ZNF831: variants seen among roughly 807,000 people sequenced by gnomAD.
ZNF831 encodes zinc finger protein 831, also known as chromosome 20 open reading frame 174.
Under a neutral mutation model 95.8 loss-of-function variants are expected in ZNF831, and 59 were observed. That is an observed-to-expected ratio of 0.62 (90% confidence interval 0.50 to 0.77). The LOEUF (loss-of-function observed/expected upper bound fraction) is 0.77, where lower values mean the gene tolerates loss of function less well. Among genes scored for constraint, ZNF831 ranks in the 30% least tolerant of loss-of-function variants. The probability of loss-of-function intolerance (pLI) is 0.00; values close to 1 mark genes in which losing one functional copy is unlikely to be tolerated. For missense variants in ZNF831, 2,205 were observed against 2,164.0 expected (o/e 1.02, Z -0.38); for synonymous variants, 961 against 925.5 (o/e 1.04, Z -0.70).
rs757394481 is a variant in ZNF831 at position 59,206,949 on chromosome 20, G to A, written c.3920G>A (p.Ser1307Asn). The change falls in exon 4 of 6, where the codon AGT becomes AAT. Residue 1307 changes from serine to asparagine, a missense_variant. Coordinates refer to ENST00000371030, the MANE Select transcript of ZNF831 (RefSeq NM_178457.3). Reference sequence around the variant, plus strand: ...CAGAGCTGTGTTCAGCTGAGAGCCAGTAGACTTCGCACACCAACCTGGGTG... The same window carrying A: ...CAGAGCTGTGTTCAGCTGAGAGCCAATAGACTTCGCACACCAACCTGGGTG... ...FLQSCVQLRASRLRTPTWVRR... is the reference protein window; with the variant it reads ...FLQSCVQLRANRLRTPTWVRR... 1 of 1,614,228 alleles carries A rather than the reference G, an allele frequency of 6.2e-7. No individual in the cohort carries two copies. The highest frequency in any genetic ancestry group is 1.7e-5 in the Admixed American group (1 of 60,026).
chr20:59,192,237 G>A lies in ZNF831; in HGVS notation c.1218G>A (p.Glu406=), dbSNP rs1407822808. ...AGCTGGAGAAGAAGCGGCTGGAGGA[G>A]CGCATCGCCCAGCTCATCTCCCACA... The part of the protein sequence containing the change: ...GLELEKKRLE[E]RIAQLISHNQ... Residue 406 remains glutamate, a synonymous_variant, in exon 2 of 6, where the codon GAG becomes GAA. Transcript: ENST00000371030. This position sits in a 1 kb window ranked among gnomAD's most constrained non-coding sequence, Gnocchi z 5.2. 1 of 1,594,382 alleles carries A rather than the reference G, an allele frequency of 6.3e-7. No individual in the cohort carries two copies. Among genetic ancestry groups the A allele is most frequent in the Non-Finnish European group, 8.5e-7 (1 of 1,171,432 alleles).
intron 1 of ZNF831, among the ~76,000 whole-genome samples, chr20:59,134,171 G>A (rs887269893): frequency 1.3e-5 from 2 of 152,218 alleles, no homozygotes; most frequent in African/African-American, 2.4e-5. Context: ...TGGACAGAAA[G>A]CAGTGGCTGT....
At chr20:59,203,813 A>T (rs946653722) in intron 3 of ZNF831, among the ~76,000 whole-genome samples, 2 of 152,226 alleles carry the variant, frequency 1.3e-5, no homozygotes, top group African/African-American at 4.8e-5. Flanking sequence ...TGCAGGATCC[A>T]CTTCCAGAGT....
intron 1 of ZNF831, among the ~76,000 whole-genome samples, chr20:59,130,958 C>G (rs1979334844): frequency 6.6e-6 from 1 of 152,144 alleles, no homozygotes; most frequent in African/African-American, 2.4e-5. Flanking sequence ...CTTATCACAG[C>G]TGGTTGTGAG....
At chr20:59,172,133 A>G (rs1981796987) in intron 1 of ZNF831, among the ~76,000 whole-genome samples, 1 of 152,192 alleles carries the variant, frequency 6.6e-6, no homozygotes, top group South Asian at 2.1e-4. Context: ...TGACTGAGTC[A>G]CGTTACTTGC....
intron 1 of ZNF831, among the ~76,000 whole-genome samples, chr20:59,172,897 G>A (rs1415884857): frequency 6.6e-6 from 1 of 152,190 alleles, no homozygotes; most frequent in African/African-American, 2.4e-5. Context: ...AGCTCTTCTG[G>A]TGTGTGAGCC....
intron 4 of ZNF831, among the ~76,000 whole-genome samples, chr20:59,238,346 G>A (rs563617656): frequency 1.8e-4 from 27 of 152,270 alleles, no homozygotes; most frequent in African/African-American, 6.5e-4. Flanking sequence ...TCCACCAAGT[G>A]TCCTGACCCC....
At position 59,193,275 on chromosome 20, in the gene ZNF831, T is replaced by A. The variant is rs752224395; in HGVS notation, c.2256T>A (p.Asn752Lys). The A allele has an allele frequency of 6.2e-7, 1 of 1,609,900 alleles. No homozygotes were observed. The highest frequency in any genetic ancestry group is 1.1e-5 in the South Asian group (1 of 90,248). ...SGSRSPLVSPNGRLELGWQMP... is the reference protein window; with the variant it reads ...SGSRSPLVSPKGRLELGWQMP... ...GTAGGAGCCCCCTGGTCTCTCCAAA[T>A]GGGAGGCTGGAACTGGGGTGGCAGA... Residue 752 changes from asparagine to lysine, a missense_variant, in exon 2 of 6, where the codon AAT (asparagine) becomes AAA (lysine). Asn to Lys is a moderately conservative substitution (Grantham distance 94, BLOSUM62 0). Coordinates refer to ENST00000371030, the MANE Select transcript of ZNF831 (RefSeq NM_178457.3).
chr20:59,225,094 T>C (rs564331545), intron 4 of ZNF831, among the ~76,000 whole-genome samples: 1 of 152,332 alleles, frequency 6.6e-6, no homozygotes, highest in East Asian at 1.9e-4. Flanking sequence ...TAATCTGGAT[T>C]CATTTAAGTA....
chr20:59,257,617 T>C lies in ZNF831; in HGVS notation c.*2874T>C, dbSNP rs1286421514. ...CTACCACAGTTTTATACTCTGCAAG[T>C]GTGTACTGCATGATGGTTAAGGAAA... On this transcript the variant is annotated 3_prime_UTR_variant, in exon 6 of 6. Transcript: ENST00000371030. The C allele has an allele frequency of 2.0e-5, 3 of 152,212 alleles. No homozygotes were observed. The highest frequency in any genetic ancestry group is 4.4e-5 in the Non-Finnish European group (3 of 68,030). 9.4% of individuals were successfully genotyped at this position (152,212 alleles called of 1,614,324 possible).
Position 59,191,520 on chromosome 20 carries a change from G to A in ZNF831, c.501G>A (p.Thr167=), listed in dbSNP as rs772129347. 1.6e-5 allele frequency: 26 copies of A among 1,613,042 alleles called. No homozygotes were observed. The highest frequency in any genetic ancestry group is 2.2e-5 in the Non-Finnish European group (26 of 1,180,024). The change falls in exon 2 of 6, where the codon ACG becomes ACA. Residue 167 remains threonine (T), a synonymous_variant. Coordinates refer to ENST00000371030, the MANE Select transcript of ZNF831 (RefSeq NM_178457.3). ...TAGAGAAGCACATCCGGTCCCACAC[G>A]GGTGAGAGGCCCTTCCCGTGTGCCA... ...SVLEKHIRSH[T]GERPFPCATC... is the part of the protein sequence containing the mutation.
chr20:59,206,459 C>T (rs1254438858), intron 3 of ZNF831, among the ~76,000 whole-genome samples: 1 of 152,210 alleles, frequency 6.6e-6, no homozygotes, highest in African/African-American at 2.4e-5. Flanking sequence ...ATTTAAGACT[C>T]AGTTTCTCAG....
intron 2 of ZNF831, among the ~76,000 whole-genome samples, chr20:59,195,355 G>A (rs1984008178): frequency 6.6e-6 from 1 of 152,222 alleles, no homozygotes; most frequent in Non-Finnish European, 1.5e-5. Flanking sequence ...GCTTAGTCCT[G>A]CTCTGGAGTG....
chr20:59,201,345 T>G (rs1984520203), intron 3 of ZNF831, among the ~76,000 whole-genome samples: 1 of 152,206 alleles, frequency 6.6e-6, no homozygotes, highest in Non-Finnish European at 1.5e-5. Flanking sequence ...CTTATTGAGT[T>G]TTGAGAATTT....
intron 4 of ZNF831, among the ~76,000 whole-genome samples, chr20:59,224,004 C>T (rs1032216174): frequency 5.9e-5 from 9 of 152,230 alleles, no homozygotes; most frequent in Non-Finnish European, 1.0e-4. Flanking sequence ...GAGCCAAACA[C>T]TGAAACCGGT....
intron 3 of ZNF831, among the ~76,000 whole-genome samples, chr20:59,205,882 T>C (rs1369505480): frequency 6.6e-6 from 1 of 152,224 alleles, no homozygotes; most frequent in Admixed American, 6.5e-5. Context: ...TGGTTGCACA[T>C]TCCTATTAGT....
chr20:59,215,133 C>G (rs904784344), intron 4 of ZNF831, among the ~76,000 whole-genome samples: 2 of 152,132 alleles, frequency 1.3e-5, no homozygotes, highest in Non-Finnish European at 2.9e-5. Flanking sequence ...TAAAACATTC[C>G]GTGGTATAAA....
chr20:59,230,926 A>G (rs1443687381), intron 4 of ZNF831, among the ~76,000 whole-genome samples: 4 of 152,210 alleles, frequency 2.6e-5, no homozygotes. Context: ...GTCTGGGTCT[A>G]TTATGGAAGC....
At chr20:59,161,299 A>T (rs975773227), upstream of ZNF831, among the ~76,000 whole-genome samples, 1 of 151,202 alleles carries the variant, frequency 6.6e-6, no homozygotes, top group Non-Finnish European at 1.5e-5. Flanking sequence ...TTTTTTTGAG[A>T]TGGAGTCCCG....
Sources: gnomAD v4.1 joint callset for allele counts (sites outside exome capture counted in the v4.1 genomes callset) on GRCh38, gnomAD v4.1.1 for gene constraint, Gnocchi (gnomAD v3.1) non-coding constraint, MANE v1.5 for transcripts, NCBI Gene and HGNC (gene_info 2026-07-23, HGNC 2026-07-21) for gene names.